The following TANK variants were observed in gnomAD, a reference collection of about 807,000 sequenced individuals.
TANK encodes TRAF family member-associated NF-kappa-B activator.
In TANK, 15 loss-of-function variants were observed where a neutral mutation model predicts 43.6. The observed-to-expected ratio is 0.34, with a 90% CI of 0.23 to 0.53. The LOEUF is 0.53. TANK is among the 20% of genes least tolerant of loss of function. The probability of loss-of-function intolerance (pLI) is 0.94; values close to 1 mark genes in which losing one functional copy is unlikely to be tolerated. For synonymous variants in TANK, 162 were observed against 178.2 expected (o/e 0.91, Z 0.73); for missense variants, 417 against 498.6 (o/e 0.84, Z 1.56).
chr2:161,142,540 G>A (rs1454827525), intron 1 of TANK, among the ~76,000 whole-genome samples: 1 of 152,080 alleles, frequency 6.6e-6, no homozygotes, highest in Admixed American at 6.5e-5. Flanking sequence ...TTCTGCATAT[G>A]GCTAGCCACT....
chr2:161,231,137 T>G lies in TANK; in HGVS notation c.687T>G (p.Leu229=). The G allele has an allele frequency of 6.2e-7, 1 of 1,614,036 alleles. No homozygotes were observed. The highest frequency in any genetic ancestry group is 1.3e-5 in the African/African-American group (1 of 75,026). The change falls in exon 7 of 8, where the codon CTT becomes CTG. Residue 229 remains leucine, a synonymous_variant. Coordinates refer to ENST00000392749, the MANE Select transcript of TANK (RefSeq NM_001199135.3). The stretch of plus-strand genomic sequence containing the variant: ...AGGAAGACACCTCTTTTGAATCACT[T>G]TCTAAATTCAATGTCAAGTTTCCAC... ...RDEEDTSFES[L]SKFNVKFPPM... is the part of the protein sequence containing the mutation.
At chr2:161,191,025 A>G (rs988303915) in intron 2 of TANK, among the ~76,000 whole-genome samples, 1 of 152,184 alleles carries the variant, frequency 6.6e-6, no homozygotes, top group African/African-American at 2.4e-5. Context: ...TCACTCATCA[A>G]TTTATATAAA....
intron 1 of TANK, among the ~76,000 whole-genome samples, chr2:161,155,211 C>T (rs1024186953): frequency 1.3e-5 from 2 of 152,020 alleles, no homozygotes; most frequent in African/African-American, 4.8e-5. Context: ...CTTCCTGCCA[C>T]CTCTCTCCCA....
intron 5 of TANK, 78 bp from the exon 6 acceptor site, chr2:161,224,553 G>A: frequency 1.9e-6 from 1 of 521,294 alleles, no homozygotes; most frequent in East Asian, 3.2e-5. Context: ...CACATAAAAT[G>A]GTACTACATA....
chr2:161,187,784 A>G (rs984429864), intron 2 of TANK, among the ~76,000 whole-genome samples: 3 of 152,224 alleles, frequency 2.0e-5, no homozygotes, highest in Admixed American at 6.5e-5. Context: ...GCTCAAGGGC[A>G]TATGGAGCAT....
chr2:161,161,733 A>C, intron 1 of TANK: 1 of 244,422 alleles, frequency 4.1e-6, no homozygotes, highest in South Asian at 8.1e-5. Flanking sequence ...AGATGTACCA[A>C]ATTATAGTTA....
At chr2:161,200,396 A>G in intron 2 of TANK, 6 of 984,242 alleles carry the variant, frequency 6.1e-6, no homozygotes, top group Non-Finnish European at 7.2e-6. Context: ...TCTGTGAACA[A>G]AAGCATTTAA....
intron 4 of TANK, chr2:161,207,494 A>C: frequency 1.0e-6 from 1 of 984,418 alleles, no homozygotes; most frequent in Non-Finnish European, 1.2e-6. Flanking sequence ...TCTCTAGCCA[A>C]AGTGCTAATG....
At chr2:161,148,317 G>A (rs1050538712) in intron 1 of TANK, among the ~76,000 whole-genome samples, 1 of 152,142 alleles carries the variant, frequency 6.6e-6, no homozygotes, top group Non-Finnish European at 1.5e-5. Context: ...TTGACCATGT[G>A]TAGATCCTCT....
At chr2:161,154,788 A>T (rs2105234520) in intron 1 of TANK, among the ~76,000 whole-genome samples, 1 of 150,616 alleles carries the variant, frequency 6.6e-6, no homozygotes, top group South Asian at 2.1e-4. Context: ...TCTGTTGCCC[A>T]GGCTGGAGTA....
chr2:161,185,610 G>A (rs940488600), intron 2 of TANK, among the ~76,000 whole-genome samples: 1 of 149,112 alleles, frequency 6.7e-6, no homozygotes, highest in Non-Finnish European at 1.5e-5. Flanking sequence ...ACTATTGCAA[G>A]AACAAAAAAC....
chr2:161,181,138 C>A (rs1004243952), intron 2 of TANK, among the ~76,000 whole-genome samples: 100 of 152,014 alleles, frequency 6.6e-4, no homozygotes, highest in Non-Finnish European at 1.2e-4. Context: ...AACTACTTGA[C>A]GGCCATGCAT....
At chr2:161,218,512 A>T (rs959222216) in intron 4 of TANK, among the ~76,000 whole-genome samples, 5 of 152,218 alleles carry the variant, frequency 3.3e-5, no homozygotes, top group Non-Finnish European at 7.3e-5. Context: ...TTTAAAAATC[A>T]TAATTAAATA....
At position 161,231,310 on chromosome 2, in the gene TANK, T is replaced by C; in HGVS notation, c.860T>C (p.Leu287Ser). Residue 287 changes from leucine (L) to serine (S), a missense_variant, in exon 7 of 8, where the codon TTA (leucine) becomes TCA (serine). Leu to Ser is a moderately radical substitution (Grantham distance 145). Coordinates refer to ENST00000392749, the MANE Select transcript of TANK (RefSeq NM_001199135.3). Reference sequence around the variant, plus strand: ...AACTTTGTTAAAACAGAAGAAACTTTATTTGAAATTCAGGGAATTGACCCC... The same window carrying C: ...AACTTTGTTAAAACAGAAGAAACTTCATTTGAAATTCAGGGAATTGACCCC... ...PGNFVKTEET[L>S]FEIQGIDPIA... The C allele has an allele frequency of 1.2e-6, 2 of 1,614,158 alleles. No homozygotes were observed. Among genetic ancestry groups the C allele is most frequent in the South Asian group, 1.1e-5 (1 of 91,082 alleles).
intron 1 of TANK, among the ~76,000 whole-genome samples, chr2:161,167,779 C>G (rs575636397): frequency 6.6e-6 from 1 of 152,010 alleles, no homozygotes; most frequent in African/African-American, 2.4e-5. Flanking sequence ...CCCGCCACCA[C>G]GACCGGCTAA....
At chr2:161,175,984 A>G (rs1317528080) in intron 1 of TANK, among the ~76,000 whole-genome samples, 1 of 152,134 alleles carries the variant, frequency 6.6e-6, no homozygotes, top group Non-Finnish European at 1.5e-5. Flanking sequence ...AAACCAGCAA[A>G]CCAAATCCAG....
intron 2 of TANK, among the ~76,000 whole-genome samples, chr2:161,186,938 G>C (rs1685687469): frequency 6.6e-6 from 1 of 152,088 alleles, no homozygotes; most frequent in Admixed American, 6.5e-5. Flanking sequence ...CTAATCATTA[G>C]GAAAATGGAA....
At chr2:161,174,780 T>C (rs1685105922) in intron 1 of TANK, among the ~76,000 whole-genome samples, 1 of 152,284 alleles carries the variant, frequency 6.6e-6, no homozygotes, top group African/African-American at 2.4e-5. Flanking sequence ...ATCATTGTTA[T>C]GCTTAAGAAT....
At chr2:161,156,148 G>A (rs1355579418), upstream of TANK, 1 of 985,174 alleles carries the variant, frequency 1.0e-6, no homozygotes, top group East Asian at 1.1e-4. Flanking sequence ...TCTTCTTCAG[G>A]AAGAAGTTGG....
Sources: allele counts gnomAD v4.1 joint callset (sites outside exome capture counted in the v4.1 genomes callset), GRCh38; gene constraint gnomAD v4.1.1; transcripts MANE v1.5; gene names NCBI Gene and HGNC (gene_info 2026-07-23, HGNC 2026-07-21).